Variants in KLHL1 observed in about 807,000 individuals in gnomAD.
KLHL1 encodes the protein kelch-like protein 1.
In KLHL1, 47 loss-of-function variants were observed where a neutral mutation model predicts 77.7. The observed-to-expected ratio is 0.60, with a 90% CI of 0.48 to 0.77. The LOEUF is 0.77. Ranked by LOEUF, KLHL1 falls within the 30% of genes least tolerant of loss-of-function variation. KLHL1 has a pLI of 0.00. For missense variants in KLHL1, 925 were observed against 910.8 expected (o/e 1.02, Z -0.20); for synonymous variants, 360 against 325.2 (o/e 1.11, Z -1.15).
At position 69,878,636 on chromosome 13, in the gene KLHL1, G is replaced by A. The variant is rs369441244; in HGVS notation, c.1227+3647C>T. Among the ~76,000 whole-genome samples, 14 of 151,698 alleles carry A rather than the reference G, an allele frequency of 9.2e-5. No individual in the cohort carries two copies. The East Asian group carries it at 1.2e-3, about 13-fold the overall frequency. On this transcript the variant is annotated intron_variant, in intron 5 of 10. Coordinates refer to ENST00000377844, the MANE Select transcript of KLHL1 (RefSeq NM_020866.3). ...TATGTTACACTATATGTAACATTAC[G>A]TGTGTGTATATAAACACATATAAAT...
chr13:69,789,863 AG>A (rs1351294038), intron 7 of KLHL1, among the ~76,000 whole-genome samples: 6 of 152,268 alleles, frequency 3.9e-5, no homozygotes, highest in African/African-American at 1.4e-4. Context: ...GCATTGTCAA[AG>A]GTTGAAGCAA....
At chr13:69,726,234 T>A (rs754817587) in intron 8 of KLHL1, among the ~76,000 whole-genome samples, 60 of 152,290 alleles carry the variant, frequency 3.9e-4, no homozygotes, top group Non-Finnish European at 7.4e-4. Context: ...CCAGAAAAAG[T>A]GTTTAGGCAT....
At chr13:69,868,274 G>A in intron 5 of KLHL1, among the ~76,000 whole-genome samples, 1 of 151,980 alleles carries the variant, frequency 6.6e-6, no homozygotes, top group East Asian at 1.9e-4. Flanking sequence ...CATGTATATG[G>A]AAAATAATAA....
intron 5 of KLHL1, among the ~76,000 whole-genome samples, chr13:69,845,914 T>C (rs1879441179): frequency 6.6e-6 from 1 of 151,444 alleles, no homozygotes; most frequent in African/African-American, 2.4e-5. Context: ...TCTTAAAAAG[T>C]CAATATTTGA....
intron 7 of KLHL1, among the ~76,000 whole-genome samples, chr13:69,762,651 A>G (rs1875084041): frequency 6.7e-6 from 1 of 149,640 alleles, no homozygotes; most frequent in Non-Finnish European, 1.5e-5. Flanking sequence ...ACCTTAAGGT[A>G]AAGCTAATCA....
intron 3 of KLHL1, among the ~76,000 whole-genome samples, chr13:69,948,773 T>C (rs1172631217): frequency 1.3e-5 from 2 of 151,964 alleles, no homozygotes; most frequent in African/African-American, 2.4e-5. Flanking sequence ...ATGCACAGAG[T>C]ATCCATCTTT....
chr13:69,975,517 G>T, intron 2 of KLHL1, 103 bp downstream of exon 2: 2 of 932,496 alleles, frequency 2.1e-6, no homozygotes, highest in Non-Finnish European at 3.2e-6. Context: ...AAAAAAATGT[G>T]AATCCTTATT....
At chr13:69,764,531 C>T (rs1041681943) in intron 7 of KLHL1, among the ~76,000 whole-genome samples, 1 of 135,270 alleles carries the variant, frequency 7.4e-6, no homozygotes, top group Non-Finnish European at 1.7e-5. Flanking sequence ...CATAACATTT[C>T]TACTAAAAAA....
At chr13:69,736,679 G>GATATATATAT (rs139208405) in intron 8 of KLHL1, among the ~76,000 whole-genome samples, 305 of 146,298 alleles carry the variant, frequency 2.1e-3, no homozygotes, top group Admixed American at 8.3e-3. Flanking sequence ...GAGATTGTGA[G>GATATATATAT]ATATATATAT....
At chr13:70,099,738 T>C (rs1385453303) in intron 1 of KLHL1, among the ~76,000 whole-genome samples, 2 of 152,030 alleles carry the variant, frequency 1.3e-5, no homozygotes, top group Admixed American at 6.6e-5. Context: ...TTAATGAAAG[T>C]TGTTAATTAA....
chr13:70,037,935 A>G (rs1886280030), intron 1 of KLHL1, among the ~76,000 whole-genome samples: 1 of 152,140 alleles, frequency 6.6e-6, no homozygotes, highest in Non-Finnish European at 1.5e-5. Flanking sequence ...TACATTTTAT[A>G]TATTTGGTAT....
At chr13:69,993,729 C>T (rs980968022) in intron 1 of KLHL1, among the ~76,000 whole-genome samples, 1 of 152,022 alleles carries the variant, frequency 6.6e-6, no homozygotes, top group African/African-American at 2.4e-5. Flanking sequence ...TCCCCAAATA[C>T]TGCAATATCT....
chr13:69,895,159 G>T (rs1442971565), intron 4 of KLHL1: 5 of 470,760 alleles, frequency 1.1e-5, no homozygotes, highest in African/African-American at 2.0e-5. Flanking sequence ...CCATGAGAAG[G>T]TAGTCTTTAA....
chr13:70,024,399 A>G (rs1182694459), intron 1 of KLHL1, among the ~76,000 whole-genome samples: 1 of 128,056 alleles, frequency 7.8e-6, no homozygotes, highest in Non-Finnish European at 1.7e-5. Context: ...GAGATTGAGG[A>G]AAAAACTCAG....
intron 5 of KLHL1, among the ~76,000 whole-genome samples, chr13:69,840,184 A>G (rs1566312089): frequency 6.6e-6 from 1 of 152,048 alleles, no homozygotes; most frequent in Non-Finnish European, 1.5e-5. Flanking sequence ...ATATAAAACT[A>G]TAAGAGGTGC....
At chr13:69,743,902 GA>G (rs1366734768) in intron 7 of KLHL1, among the ~76,000 whole-genome samples, 1 of 151,772 alleles carries the variant, frequency 6.6e-6, no homozygotes, top group African/African-American at 2.4e-5. Context: ...TTTAAGGGTA[GA>G]AAAGTTTGAA....
intron 1 of KLHL1, among the ~76,000 whole-genome samples, chr13:70,089,386 A>G (rs1048295578): frequency 6.6e-6 from 1 of 152,112 alleles, no homozygotes; most frequent in East Asian, 1.9e-4. Context: ...TAGAAAGCCT[A>G]TTTTAGAGAA....
intron 7 of KLHL1, among the ~76,000 whole-genome samples, chr13:69,749,342 G>A (rs1387468627): frequency 2.0e-5 from 3 of 151,808 alleles, no homozygotes; most frequent in Non-Finnish European, 2.9e-5. Flanking sequence ...AACATCTAAA[G>A]TCATTTTTCA....
At chr13:69,811,808 T>A (rs1278422051) in intron 6 of KLHL1, among the ~76,000 whole-genome samples, 1 of 152,186 alleles carries the variant, frequency 6.6e-6, no homozygotes, top group Non-Finnish European at 1.5e-5. Context: ...TCTTTATTAG[T>A]CTTGCTAGCA....
Sources: allele counts gnomAD v4.1 joint callset (sites outside exome capture counted in the v4.1 genomes callset), GRCh38; gene constraint gnomAD v4.1.1; transcripts MANE v1.5; gene names NCBI Gene and HGNC (gene_info 2026-07-23, HGNC 2026-07-21).